ATXN7L1: variants seen among roughly 807,000 people sequenced by gnomAD.
The protein encoded by ATXN7L1 is ataxin 7 like 1.
Under a neutral mutation model 70.8 loss-of-function variants are expected in ATXN7L1, and 15 were observed. The ratio of observed to expected loss-of-function variants is 0.21; its 90% CI spans 0.14 to 0.33. The LOEUF is 0.33. Among genes scored for constraint, ATXN7L1 ranks in the 10% least tolerant of loss-of-function variants. The pLI is 1.00. For synonymous variants in ATXN7L1, 440 were observed against 445.1 expected (o/e 0.99, Z 0.14); for missense variants, 975 against 1,097.1 (o/e 0.89, Z 1.57).
At chr7:105,849,532 C>G (rs2116626871) in intron 2 of ATXN7L1, among the ~76,000 whole-genome samples, 1 of 152,374 alleles carries the variant, frequency 6.6e-6, no homozygotes, top group Non-Finnish European at 1.5e-5. Flanking sequence ...CAGGAAGCTG[C>G]CTCTCTTACA....
chr7:105,746,120 T>G (rs1279804743), intron 3 of ATXN7L1, among the ~76,000 whole-genome samples: 1 of 152,134 alleles, frequency 6.6e-6, no homozygotes, highest in Non-Finnish European at 1.5e-5. Context: ...TTTCCAAACA[T>G]ATTCAGAATC....
intron 9 of ATXN7L1, among the ~76,000 whole-genome samples, chr7:105,615,224 A>C (rs975272965): frequency 6.6e-6 from 1 of 152,062 alleles, no homozygotes; most frequent in African/African-American, 2.4e-5. Context: ...ATCATTTCAC[A>C]TGTAGGTCCT....
chr7:105,652,944 T>C (rs1800077096), intron 4 of ATXN7L1, among the ~76,000 whole-genome samples: 1 of 152,214 alleles, frequency 6.6e-6, no homozygotes, highest in African/African-American at 2.4e-5. Flanking sequence ...TGCTTTTTCC[T>C]TTTTTGTATT....
intron 2 of ATXN7L1, among the ~76,000 whole-genome samples, chr7:105,807,865 G>T (rs1394979207): frequency 1.3e-5 from 2 of 152,230 alleles, no homozygotes; most frequent in African/African-American, 4.8e-5. Flanking sequence ...AAGACCCACA[G>T]AATCATAGTA....
At position 105,695,011 on chromosome 7, in the gene ATXN7L1, C is replaced by T. The variant is rs77245911; in HGVS notation, c.356-29723G>A. The stretch of plus-strand genomic sequence containing the variant: ...CCAAAAAATACAAAAATTAGTTGGG[C>T]GTGGTGGCCGGTGCCTGTAGTCCCA... On this transcript the variant is annotated intron_variant, in intron 3 of 11. Transcript: ENST00000419735. Among the ~76,000 whole-genome samples, 1,032 of 152,280 alleles carry T rather than the reference C, an allele frequency of 6.8e-3. 30 individuals carry two copies. In the South Asian group the frequency reaches 0.082, roughly 12 times the overall value.
chr7:105,628,335 A>G (rs1159976167), intron 7 of ATXN7L1, among the ~76,000 whole-genome samples: 1 of 152,208 alleles, frequency 6.6e-6, no homozygotes, highest in Non-Finnish European at 1.5e-5. Context: ...TATACATGGG[A>G]AAAATTTCAT....
intron 3 of ATXN7L1, among the ~76,000 whole-genome samples, chr7:105,734,515 A>G (rs1308992895): frequency 6.6e-6 from 1 of 152,178 alleles, no homozygotes; most frequent in Non-Finnish European, 1.5e-5. Context: ...GTAGACCATC[A>G]ATAATCTTTG....
chr7:105,689,514 T>C (rs1584735393), intron 3 of ATXN7L1, among the ~76,000 whole-genome samples: 3 of 152,194 alleles, frequency 2.0e-5, no homozygotes, highest in African/African-American at 4.8e-5. Context: ...TCACTTGGGC[T>C]GTGGGGGTGA....
At chr7:105,856,081 A>C (rs1448081611) in intron 2 of ATXN7L1, among the ~76,000 whole-genome samples, 1 of 152,212 alleles carries the variant, frequency 6.6e-6, no homozygotes, top group African/African-American at 2.4e-5. Context: ...CAAGAAAGTC[A>C]CGTCACTAAC....
intron 3 of ATXN7L1, among the ~76,000 whole-genome samples, chr7:105,771,226 A>T (rs924891976): frequency 2.0e-5 from 3 of 149,550 alleles, no homozygotes; most frequent in African/African-American, 7.4e-5. Context: ...AATAATAATA[A>T]TAATAATAAT....
At chr7:105,796,379 T>TA (rs1805996048) in intron 2 of ATXN7L1, among the ~76,000 whole-genome samples, 2 of 151,744 alleles carry the variant, frequency 1.3e-5, no homozygotes, top group African/African-American at 2.4e-5. Flanking sequence ...ATAAATAAAT[T>TA]AATTAATTAA....
intron 2 of ATXN7L1, among the ~76,000 whole-genome samples, chr7:105,869,538 G>A (rs551721107): frequency 6.6e-6 from 1 of 152,280 alleles, no homozygotes; most frequent in East Asian, 1.9e-4. Flanking sequence ...ACAACTGCAA[G>A]ACTCCTAAGC....
At chr7:105,608,618 C>T (rs1792889358) in intron 11 of ATXN7L1, among the ~76,000 whole-genome samples, 1 of 152,168 alleles carries the variant, frequency 6.6e-6, no homozygotes, top group Admixed American at 6.5e-5. Flanking sequence ...GAGGCCCCAT[C>T]AACAGAGGCT....
intron 3 of ATXN7L1, among the ~76,000 whole-genome samples, chr7:105,778,087 T>C (rs1272008169): frequency 6.6e-6 from 1 of 152,182 alleles, no homozygotes; most frequent in Non-Finnish European, 1.5e-5. Context: ...TAGCAGGTGC[T>C]CAATAAATAT....
At chr7:105,629,478 TA>T (rs1796254802) in intron 7 of ATXN7L1, among the ~76,000 whole-genome samples, 1 of 148,136 alleles carries the variant, frequency 6.8e-6, no homozygotes, top group Non-Finnish European at 1.5e-5. Flanking sequence ...AATTATATAT[TA>T]TTTTTTATAT....
At chr7:105,750,213 G>C (rs1332486807) in intron 3 of ATXN7L1, among the ~76,000 whole-genome samples, 3 of 151,666 alleles carry the variant, frequency 2.0e-5, no homozygotes, top group African/African-American at 7.3e-5. Flanking sequence ...TGTTAAGTTT[G>C]TGTTTCAAAC....
At position 105,874,123 on chromosome 7, in the gene ATXN7L1, C is replaced by CAAA. The variant is rs766696244; in HGVS notation, c.250+1686_250+1688dup. On this transcript the variant is annotated intron_variant, in intron 2 of 11. Transcript: ENST00000419735. ...CTGGCGACAGAGTGAGAATCCGTATCAAAAAAAAAAAAAAAAAAAAAATCT... is the reference window on the plus strand; with the variant it reads ...CTGGCGACAGAGTGAGAATCCGTATCAAAAAAAAAAAAAAAAAAAAAAAAATCT... Among the ~76,000 whole-genome samples, 211 of 71,886 alleles carry CAAA rather than the reference C, an allele frequency of 2.9e-3. 2 individuals are homozygous for CAAA. Among genetic ancestry groups the CAAA allele is most frequent in the African/African-American group, 7.9e-3 (175 of 22,046 alleles). 47.2% of individuals were successfully genotyped at this position (71,886 alleles called of 152,430 possible). A position where few individuals can be genotyped will look rare whatever the true frequency, so the allele number is the denominator to read the frequency against.
chr7:105,680,940 G>C (rs1181761018), intron 3 of ATXN7L1, among the ~76,000 whole-genome samples: 2 of 152,204 alleles, frequency 1.3e-5, no homozygotes, highest in Non-Finnish European at 2.9e-5. Context: ...CCTGCCTCTT[G>C]CAGCCCTGCT....
intron 3 of ATXN7L1, among the ~76,000 whole-genome samples, chr7:105,769,748 A>C (rs182794961): frequency 3.9e-4 from 60 of 152,246 alleles, no homozygotes; most frequent in Non-Finnish European, 7.5e-4. Flanking sequence ...TGAGTTCCTG[A>C]AGAGTAGATC....
Sources: gnomAD v4.1 joint callset for allele counts (sites outside exome capture counted in the v4.1 genomes callset) on GRCh38, gnomAD v4.1.1 for gene constraint, MANE v1.5 for transcripts, NCBI Gene and HGNC (gene_info 2026-07-23, HGNC 2026-07-21) for gene names.